EPS15: variants seen among roughly 807,000 people sequenced by gnomAD.
EPS15 encodes the protein epidermal growth factor receptor pathway substrate 15.
In EPS15, 72 loss-of-function variants were observed where a neutral mutation model predicts 113.8. The ratio of observed to expected loss-of-function variants is 0.63; its 90% confidence interval spans 0.52 to 0.77. The LOEUF is 0.77. Ranked by LOEUF, EPS15 falls within the 30% of genes least tolerant of loss-of-function variation. The probability of loss-of-function intolerance (pLI) is 0.00; values close to 1 mark genes in which losing one functional copy is unlikely to be tolerated. For missense variants in EPS15, 1,048 were observed against 1,045.8 expected (o/e 1.00, Z -0.03); for synonymous variants, 344 against 363.4 (o/e 0.95, Z 0.61).
At position 51,423,624 on chromosome 1, in the gene EPS15, A is replaced by C. The variant is rs146331871; in HGVS notation, c.1041-1766T>G. 2.2e-4 allele frequency: 215 copies of C among 985,320 alleles called. 1 individual carries two copies. In the African/African-American group the frequency reaches 3.6e-3, roughly 17 times the overall value. The allele number at this position is 985,320 out of a possible 1,614,324, so 61.0% of individuals were successfully genotyped here. A position where few individuals can be genotyped will look rare whatever the true frequency, so the allele number is the denominator to read the frequency against. ...TAATAACAAAAATAGAAAACACTAC[A>C]GTGTCACAGATCAGCAGTGCACACA... is the stretch of plus-strand genomic sequence containing the variant. On this transcript the variant is annotated intron_variant, in intron 12 of 24. Coordinates refer to ENST00000371733, the MANE Select transcript of EPS15 (RefSeq NM_001981.3).
At chr1:51,499,822 T>A (rs1475720279) in intron 1 of EPS15, among the ~76,000 whole-genome samples, 1 of 152,230 alleles carries the variant, frequency 6.6e-6, no homozygotes, top group Non-Finnish European at 1.5e-5. Context: ...TAACATAAAA[T>A]TGTACATTTT....
intron 19 of EPS15, 124 bp downstream of exon 19, chr1:51,400,794 C>A: frequency 2.7e-6 from 1 of 372,112 alleles, no homozygotes. Flanking sequence ...TTACTACTCT[C>A]TTTCTGAAAA....
At chr1:51,388,846 A>G (rs1647173541) in intron 21 of EPS15, among the ~76,000 whole-genome samples, 1 of 152,136 alleles carries the variant, frequency 6.6e-6, no homozygotes, top group Non-Finnish European at 1.5e-5. Context: ...AACCAAAAAG[A>G]GTCCAGGACC....
intron 21 of EPS15, among the ~76,000 whole-genome samples, chr1:51,368,850 G>A (rs769076919): frequency 6.6e-6 from 1 of 152,084 alleles, no homozygotes; most frequent in South Asian, 2.1e-4. Flanking sequence ...CAATCTGCCG[G>A]CCTAAGCCTC....
chr1:51,415,427 C>G (rs1223767490), intron 13 of EPS15, among the ~76,000 whole-genome samples: 1 of 152,108 alleles, frequency 6.6e-6, no homozygotes, highest in Admixed American at 6.6e-5. Context: ...AAACTTCAAG[C>G]TGGAACGATG....
intron 1 of EPS15, among the ~76,000 whole-genome samples, chr1:51,515,889 C>T (rs946172235): frequency 1.3e-5 from 2 of 152,104 alleles, no homozygotes; most frequent in African/African-American, 4.8e-5. Flanking sequence ...TAAAACATAT[C>T]GTTAGATTCT....
intron 21 of EPS15, chr1:51,372,504 A>C (rs1453154475): frequency 1.9e-6 from 1 of 532,762 alleles, no homozygotes; most frequent in Non-Finnish European, 3.8e-6. Flanking sequence ...CATGTATGGA[A>C]TGTTTAAGAA....
At chr1:51,508,417 A>T (rs1385701008) in intron 1 of EPS15, among the ~76,000 whole-genome samples, 1 of 151,996 alleles carries the variant, frequency 6.6e-6, no homozygotes, top group Non-Finnish European at 1.5e-5. Context: ...TAAATTCTGC[A>T]GGTAAGTATT....
intron 13 of EPS15, among the ~76,000 whole-genome samples, chr1:51,416,099 GCT>G (rs1650199352): frequency 6.6e-6 from 1 of 151,902 alleles, no homozygotes; most frequent in Non-Finnish European, 1.5e-5. Flanking sequence ...CTCTCTTCCT[GCT>G]CTCTCCTCCC....
chr1:51,400,107 G>A (rs1032857961), intron 19 of EPS15, among the ~76,000 whole-genome samples: 1 of 152,164 alleles, frequency 6.6e-6, no homozygotes, highest in Non-Finnish European at 1.5e-5. Context: ...AAAGCTAACA[G>A]CCAATAGTTT....
intron 1 of EPS15, among the ~76,000 whole-genome samples, chr1:51,492,418 A>G (rs1644251195): frequency 6.6e-6 from 1 of 152,234 alleles, no homozygotes; most frequent in Non-Finnish European, 1.5e-5. Flanking sequence ...ATAAAAAAAT[A>G]TATTTGCTCT....
chr1:51,370,593 G>A (rs866969975), intron 21 of EPS15, among the ~76,000 whole-genome samples: 8 of 149,530 alleles, frequency 5.4e-5, no homozygotes, highest in Admixed American at 3.3e-4. Context: ...GTTTTTAATC[G>A]TTATTTTATT....
chr1:51,482,354 G>C (rs564340635), intron 1 of EPS15, among the ~76,000 whole-genome samples: 2 of 152,218 alleles, frequency 1.3e-5, no homozygotes, highest in Admixed American at 1.3e-4. Context: ...AAAGGCATGC[G>C]ATCAACAGAA....
intron 13 of EPS15, among the ~76,000 whole-genome samples, chr1:51,416,468 C>T (rs567055558): frequency 6.6e-6 from 1 of 152,100 alleles, no homozygotes; most frequent in African/African-American, 2.4e-5. Flanking sequence ...AAGCCATATC[C>T]GAGGTTACTC....
At chr1:51,433,774 T>C (rs972027323) in intron 12 of EPS15, among the ~76,000 whole-genome samples, 4 of 152,224 alleles carry the variant, frequency 2.6e-5, no homozygotes, top group African/African-American at 4.8e-5. Context: ...AAGACCAGGA[T>C]AACAAACAGG....
At chr1:51,425,465 C>T (rs12741289) in intron 12 of EPS15, among the ~76,000 whole-genome samples, 8,790 of 152,228 alleles carry the variant, frequency 0.058, 344 homozygotes, top group Non-Finnish European at 0.086. Context: ...AGTTTTATGT[C>T]TTTTTTCCTA....
At chr1:51,387,469 A>G (rs898690153) in intron 21 of EPS15, among the ~76,000 whole-genome samples, 23 of 152,266 alleles carry the variant, frequency 1.5e-4, no homozygotes, top group African/African-American at 5.3e-4. Context: ...ACACATAACA[A>G]TATTAACTTT....
intron 9 of EPS15, 154 bp downstream of exon 9, chr1:51,447,892 T>C (rs79437178): frequency 0.065 from 51,062 of 784,354 alleles, 1,833 homozygotes; most frequent in Non-Finnish European, 0.068. Context: ...AAATGCCATG[T>C]ACTTTGTTAA....
At chr1:51,471,665 A>G in intron 4 of EPS15, 25 bp downstream of exon 4, 1 of 1,574,972 alleles carries the variant, frequency 6.3e-7, no homozygotes, top group South Asian at 1.1e-5. Flanking sequence ...TCAAAAAAAA[A>G]ATCATATGAA....
Sources: gnomAD v4.1 joint callset for allele counts (sites outside exome capture counted in the v4.1 genomes callset) on GRCh38, gnomAD v4.1.1 for gene constraint, MANE v1.5 for transcripts, NCBI Gene and HGNC (gene_info 2026-07-23, HGNC 2026-07-21) for gene names.